The following CTNNA3 variants were observed in gnomAD, a reference collection of about 807,000 sequenced individuals.
CTNNA3 encodes catenin alpha-3.
CTNNA3 carries 76 observed loss-of-function variants against 95.7 expected under a neutral mutation model. The ratio of observed to expected loss-of-function variants is 0.79; its 90% CI spans 0.66 to 0.96. CTNNA3 has a LOEUF of 0.96. Among genes scored for constraint, CTNNA3 ranks in the 40% least tolerant of loss-of-function variants. The pLI is 0.00. For missense variants in CTNNA3, 1,191 were observed against 1,089.8 expected, an observed-to-expected ratio of 1.09 and a Z score of -1.31; for synonymous variants, 431 against 374.4, an observed-to-expected ratio of 1.15 and a Z score of -1.74.
intron 10 of CTNNA3, among the ~76,000 whole-genome samples, chr10:66,583,959 T>C (rs1205425179): frequency 6.6e-6 from 1 of 151,880 alleles, no homozygotes; most frequent in Admixed American, 6.6e-5. Context: ...CAGGAGTAGA[T>C]TGTTTAATTT....
chr10:66,646,836 G>A (rs1370133657), intron 9 of CTNNA3, among the ~76,000 whole-genome samples: 3 of 152,114 alleles, frequency 2.0e-5, no homozygotes, highest in Admixed American at 6.5e-5. Context: ...TGTGACTGAA[G>A]TAGTGGAAAC....
chr10:66,797,515 A>G (rs1289178248), intron 7 of CTNNA3, among the ~76,000 whole-genome samples: 1 of 152,076 alleles, frequency 6.6e-6, no homozygotes, highest in Admixed American at 6.6e-5. Flanking sequence ...GAACCATTCA[A>G]TGTCCCTTTT....
chr10:67,014,735 A>G (rs186417591), intron 7 of CTNNA3, among the ~76,000 whole-genome samples: 1 of 152,178 alleles, frequency 6.6e-6, no homozygotes, highest in Admixed American at 6.5e-5. Context: ...GAAGTTTCAG[A>G]AAGTTTCACT....
intron 13 of CTNNA3, among the ~76,000 whole-genome samples, chr10:66,173,524 T>TA (rs996016978): frequency 4.6e-5 from 7 of 150,866 alleles, no homozygotes; most frequent in African/African-American, 4.8e-5. Context: ...ATCTCTACAT[T>TA]AAAAAAAAAT....
intron 1 of CTNNA3, among the ~76,000 whole-genome samples, chr10:67,735,562 T>C (rs1043743729): frequency 6.6e-6 from 1 of 152,040 alleles, no homozygotes; most frequent in African/African-American, 2.4e-5. Context: ...TCAACATCAT[T>C]AGTCATTAGG....
intron 5 of CTNNA3, among the ~76,000 whole-genome samples, chr10:67,407,082 T>C (rs1845165350): frequency 6.6e-6 from 1 of 152,140 alleles, no homozygotes; most frequent in African/African-American, 2.4e-5. Flanking sequence ...GCCAGCATCA[T>C]CCTGATACTA....
intron 7 of CTNNA3, among the ~76,000 whole-genome samples, chr10:67,014,813 C>A (rs72804680): frequency 6.6e-6 from 1 of 151,798 alleles, no homozygotes; most frequent in Non-Finnish European, 1.5e-5. Flanking sequence ...AACATCATTC[C>A]AAACATAGCT....
chr10:66,201,787 T>TTC (rs1554887929), intron 13 of CTNNA3, among the ~76,000 whole-genome samples: 41 of 140,416 alleles, frequency 2.9e-4, no homozygotes, highest in African/African-American at 1.0e-3. Context: ...CTTTTTCTTT[T>TTC]TTTTTTTTTT....
intron 7 of CTNNA3, among the ~76,000 whole-genome samples, chr10:66,950,467 G>A (rs1052468832): frequency 1.3e-5 from 2 of 152,000 alleles, no homozygotes; most frequent in African/African-American, 4.8e-5. Flanking sequence ...TGTCACACTT[G>A]TGAGAGTCTC....
intron 14 of CTNNA3, among the ~76,000 whole-genome samples, chr10:66,078,239 T>C (rs951701783): frequency 2.6e-5 from 4 of 151,938 alleles, no homozygotes; most frequent in Non-Finnish European, 4.4e-5. Flanking sequence ...TTCCACAAGA[T>C]GATCTTGCAG....
chr10:66,998,260 T>G (rs1484735217), intron 7 of CTNNA3, among the ~76,000 whole-genome samples: 12 of 152,162 alleles, frequency 7.9e-5, no homozygotes, highest in Non-Finnish European at 1.5e-4. Flanking sequence ...AATAAGTGCC[T>G]CCTTACTCTA....
intron 11 of CTNNA3, among the ~76,000 whole-genome samples, chr10:66,412,848 C>A (rs1280344913): frequency 1.3e-5 from 2 of 151,826 alleles, no homozygotes; most frequent in East Asian, 3.9e-4. Flanking sequence ...AAAATGAATT[C>A]AATTACCAAA....
intron 7 of CTNNA3, among the ~76,000 whole-genome samples, chr10:66,777,799 GCACA>G (rs111611061): frequency 7.2e-5 from 10 of 138,082 alleles, no homozygotes; most frequent in African/African-American, 1.2e-4. Flanking sequence ...ACACACACAT[GCACA>G]CACACACACA....
intron 7 of CTNNA3, among the ~76,000 whole-genome samples, chr10:67,127,995 G>A (rs1374388401): frequency 6.6e-6 from 1 of 151,990 alleles, no homozygotes; most frequent in African/African-American, 2.4e-5. Flanking sequence ...TTCCTCACAT[G>A]TCCTCAACTT....
chr10:66,163,887 T>C (rs896697696), intron 13 of CTNNA3, among the ~76,000 whole-genome samples: 2 of 152,198 alleles, frequency 1.3e-5, no homozygotes, highest in Non-Finnish European at 2.9e-5. Flanking sequence ...ATGTGTTATA[T>C]GTGTAAAGAT....
chr10:67,513,719 T>A (rs1001166632), intron 5 of CTNNA3, among the ~76,000 whole-genome samples: 3 of 152,148 alleles, frequency 2.0e-5, no homozygotes, highest in Non-Finnish European at 4.4e-5. Flanking sequence ...TGAACCCCAG[T>A]GAAATAAACT....
At chr10:66,052,114 C>T (rs973231581) in intron 15 of CTNNA3, among the ~76,000 whole-genome samples, 4 of 152,026 alleles carry the variant, frequency 2.6e-5, no homozygotes, top group African/African-American at 9.7e-5. Flanking sequence ...ACAGAGTAAG[C>T]TCCCATGGAG....
intron 12 of CTNNA3, among the ~76,000 whole-genome samples, chr10:66,303,621 A>T (rs984103110): frequency 6.6e-6 from 1 of 152,206 alleles, no homozygotes; most frequent in African/African-American, 2.4e-5. Flanking sequence ...TTAAGATCTT[A>T]AATGAGAAAG....
rs987897485 is a variant in CTNNA3, at chr10:66,949,024, A to C, written c.1048-173500T>G. Among the ~76,000 whole-genome samples the C allele has an allele frequency of 5.8e-4, 88 of 152,346 alleles. 1 individual carries two copies. Among genetic ancestry groups the C allele is most frequent in the African/African-American group, 2.0e-3 (82 of 41,586 alleles). Reference sequence around the variant, plus strand: ...GCTATTTGATTAGGAGACTCTGGAAAAAGCATGTAATCTTGCAAACAAATA... The same window carrying C: ...GCTATTTGATTAGGAGACTCTGGAACAAGCATGTAATCTTGCAAACAAATA... On this transcript the variant is annotated intron_variant, in intron 7 of 17. Transcript: ENST00000433211.
Sources: allele counts gnomAD v4.1 joint callset (sites outside exome capture counted in the v4.1 genomes callset), GRCh38; gene constraint gnomAD v4.1.1; transcripts MANE v1.5; gene names NCBI Gene and HGNC (gene_info 2026-07-23, HGNC 2026-07-21).